Variants in AGL observed in about 807,000 individuals in gnomAD.
The protein encoded by AGL is glycogen debranching enzyme.
In AGL, 128 loss-of-function variants were observed where a neutral mutation model predicts 199.3. That is an observed-to-expected ratio of 0.64 (90% CI 0.56 to 0.74). AGL has a LOEUF of 0.74. Ranked by LOEUF, AGL falls within the 30% of genes least tolerant of loss-of-function variation. The probability of loss-of-function intolerance (pLI) is 0.00; values close to 1 mark genes in which losing one functional copy is unlikely to be tolerated. For missense variants in AGL, 1,809 were observed against 1,820.8 expected (o/e 0.99, Z 0.12); for synonymous variants, 584 against 594.7 (o/e 0.98, Z 0.26).
chr1:99,915,553 A>ATTTT, intron 31 of AGL, 67 bp downstream of exon 31: 8 of 1,035,564 alleles, frequency 7.7e-6, no homozygotes, highest in Admixed American at 2.4e-5. Flanking sequence ...ATCAACCATA[A>ATTTT]TTTTTTTTTT....
chr1:99,899,243 C>T (rs1277092215), intron 25 of AGL, among the ~76,000 whole-genome samples: 2 of 152,114 alleles, frequency 1.3e-5, no homozygotes, highest in African/African-American at 4.8e-5. Context: ...ATAAAAATTT[C>T]TGAGTGGTTT....
Position 99,892,532 on chromosome 1 carries a change from G to T in AGL, c.3184G>T (p.Ala1062Ser), listed in dbSNP as rs1475224037. ...KFPSLPILSP[A>S]LMDVPYRLNE... ...CCCTTCCCTGCCAATTCTTTCACCTGCCCTAATGGATGTACCTTATAGGTT... is the reference window on the plus strand; with the variant it reads ...CCCTTCCCTGCCAATTCTTTCACCTTCCCTAATGGATGTACCTTATAGGTT... The change falls in exon 24 of 34, where the codon GCC becomes TCC. Residue 1062 changes from alanine to serine, a missense_variant. Ala to Ser is a moderately conservative substitution (Grantham distance 99). Coordinates refer to ENST00000361915, the MANE Select transcript of AGL (RefSeq NM_000642.3). 6.2e-7 allele frequency: 1 copy of T among 1,613,580 alleles called. No individual in the cohort carries two copies. The highest frequency in any genetic ancestry group is 1.7e-5 in the Admixed American group (1 of 59,976).
intron 12 of AGL, among the ~76,000 whole-genome samples, chr1:99,878,308 G>C (rs1251465830): frequency 6.6e-6 from 1 of 151,926 alleles, no homozygotes; most frequent in African/African-American, 2.4e-5. Context: ...TCACACCACT[G>C]CACTCCAGCC....
At chr1:99,874,308 C>G (rs1481633799) in intron 7 of AGL, among the ~76,000 whole-genome samples, 1 of 148,510 alleles carries the variant, frequency 6.7e-6, no homozygotes, top group Admixed American at 6.7e-5. Flanking sequence ...GCAAGTTGTG[C>G]ACATGTACCC....
intron 2 of AGL, among the ~76,000 whole-genome samples, chr1:99,858,467 A>G (rs1264398680): frequency 6.6e-6 from 1 of 152,206 alleles, no homozygotes; most frequent in African/African-American, 2.4e-5. Flanking sequence ...GGAGCGACTC[A>G]ACTCCCATTG....
At chr1:99,912,806 T>A (rs1654842503) in intron 29 of AGL, among the ~76,000 whole-genome samples, 1 of 152,248 alleles carries the variant, frequency 6.6e-6, no homozygotes, top group South Asian at 2.1e-4. Flanking sequence ...TTTTGCAATC[T>A]TTACATGTCT....
chr1:99,915,994 A>G (rs539489434), intron 31 of AGL, among the ~76,000 whole-genome samples: 1 of 152,208 alleles, frequency 6.6e-6, no homozygotes, highest in African/African-American at 2.4e-5. Context: ...CTTAAAAATC[A>G]CCTTTCCAAT....
intron 15 of AGL, 43 bp downstream of exon 15, chr1:99,881,220 CTT>C (rs778456337): frequency 1.9e-6 from 3 of 1,612,598 alleles, no homozygotes; most frequent in Non-Finnish European, 8.5e-7. Context: ...TGGCCAACAA[CTT>C]TGGGCATTTT....
intron 3 of AGL, among the ~76,000 whole-genome samples, chr1:99,861,951 C>T (rs139788464): frequency 2.5e-4 from 38 of 152,142 alleles, no homozygotes; most frequent in African/African-American, 8.0e-4. Flanking sequence ...TTCATGCAAC[C>T]TGATTATAGG....
chr1:99,902,214 T>C (rs1050066772), intron 26 of AGL, among the ~76,000 whole-genome samples: 7 of 152,192 alleles, frequency 4.6e-5, no homozygotes, highest in Non-Finnish European at 7.3e-5. Flanking sequence ...AGAAAATGAC[T>C]TATGAATTCT....
rs538222243 is a variant in AGL, at chr1:99,870,167, G to A, written c.665-233G>A. On this transcript the variant is annotated intron_variant, in intron 5 of 33. Coordinates refer to ENST00000361915, the MANE Select transcript of AGL (RefSeq NM_000642.3). The stretch of plus-strand genomic sequence containing the variant: ...TGAGAGAGTTGCTTTTTGTTTCATC[G>A]GATTTTCTAAGCAGAATTAAAGTTA... Among the ~76,000 whole-genome samples the A allele has an allele frequency of 6.6e-5, 10 of 151,634 alleles. 1 individual carries two copies. Among genetic ancestry groups the A allele is most frequent in the East Asian group, 3.9e-4 (2 of 5,174 alleles).
chr1:99,879,281 A>G (rs1308510465), intron 12 of AGL, among the ~76,000 whole-genome samples: 2 of 152,162 alleles, frequency 1.3e-5, no homozygotes, highest in Non-Finnish European at 2.9e-5. Flanking sequence ...AAGTCTGATT[A>G]AAGTTTTAAA....
intron 27 of AGL, among the ~76,000 whole-genome samples, chr1:99,904,387 G>A (rs1157514551): frequency 2.6e-5 from 4 of 152,168 alleles, no homozygotes; most frequent in Admixed American, 2.6e-4. Context: ...ATGATACATA[G>A]TATGCCATGA....
intron 5 of AGL, among the ~76,000 whole-genome samples, chr1:99,868,167 G>A (rs902119824): frequency 1.3e-5 from 2 of 152,116 alleles, no homozygotes; most frequent in Admixed American, 1.3e-4. Flanking sequence ...TAATGTTGAT[G>A]TGTGTTAAAA....
intron 2 of AGL, among the ~76,000 whole-genome samples, chr1:99,856,284 A>C (rs1456790059): frequency 1.4e-5 from 2 of 146,600 alleles, no homozygotes; most frequent in East Asian, 2.1e-4. Context: ...ACAGAAAGAA[A>C]ATATAACATC....
Position 99,888,105 on chromosome 1 carries a change from C to T in AGL, c.2809C>T (p.Gln937Ter). ...GTCAGCCCTTAAATATGCAGGTCTT[C>T]AAGGTAAGCAAATGGAAGGATAGCT... Reference protein sequence around the residue: ...NWSALKYAGLQGLMSVLAEIR... With the variant: ...NWSALKYAGL The change falls in exon 21 of 34, where the codon CAA (glutamine) becomes TAA (stop). Residue 937 changes from glutamine to a stop codon, truncating the protein, a stop_gained. Coordinates refer to ENST00000361915, the MANE Select transcript of AGL (RefSeq NM_000642.3). LOFTEE classifies it high-confidence loss of function. 6.2e-7 allele frequency: 1 copy of T among 1,612,954 alleles called. No homozygotes were observed. Among genetic ancestry groups the T allele is most frequent in the Non-Finnish European group, 8.5e-7 (1 of 1,179,456 alleles).
intron 24 of AGL, among the ~76,000 whole-genome samples, chr1:99,895,543 A>C (rs990210586): frequency 1.3e-5 from 2 of 152,198 alleles, no homozygotes; most frequent in Non-Finnish European, 2.9e-5. Flanking sequence ...ATTAGGTATC[A>C]TTAAGGTAAT....
chr1:99,890,238 G>A (rs1055269772), intron 21 of AGL, among the ~76,000 whole-genome samples: 1 of 152,030 alleles, frequency 6.6e-6, no homozygotes, highest in Non-Finnish European at 1.5e-5. Flanking sequence ...CATTCCGTTG[G>A]TCATCATCAG....
chr1:99,900,064 G>A lies in AGL; in HGVS notation c.3363-572G>A, dbSNP rs140123683. On this transcript the variant is annotated intron_variant, in intron 25 of 33. Transcript: ENST00000361915. ...CTTGCCTAAGCCTTCTGAGTAGCTG[G>A]GACTACAGGCACGCACCACCATTCC... 6.8e-4 allele frequency among the ~76,000 whole-genome samples: 104 copies of A among 151,906 alleles called. No individual in the cohort carries two copies. In the East Asian group the frequency reaches 0.013, roughly 20 times the overall value.
Sources: allele counts gnomAD v4.1 joint callset (sites outside exome capture counted in the v4.1 genomes callset), GRCh38; gene constraint gnomAD v4.1.1; transcripts MANE v1.5; gene names NCBI Gene and HGNC (gene_info 2026-07-23, HGNC 2026-07-21).